TNC: variants seen among roughly 807,000 people sequenced by gnomAD.
The protein encoded by TNC is tenascin C.
TNC carries 109 observed loss-of-function variants against 202.4 expected under a neutral mutation model. The observed-to-expected ratio is 0.54, with a 90% CI of 0.46 to 0.63. TNC has a LOEUF of 0.63. Ranked by LOEUF, TNC falls within the 30% of genes least tolerant of loss-of-function variation. The pLI is 0.00. For synonymous variants in TNC, 1,007 were observed against 1,089.7 expected (o/e 0.92, Z 1.50); for missense variants, 2,756 against 2,833.3 (o/e 0.97, Z 0.62).
chr9:115,086,217 C>T lies in TNC; in HGVS notation c.1514G>A (p.Cys505Tyr). ...DCRDRQCPRD[C>Y]SNRGLCVDGQ... ...GTCCACACAGAGGCCCCTGTTGCTG[C>T]AGTCCCTGGGGCATTGGCGATCCCG... is the stretch of plus-strand genomic sequence containing the variant. The change falls in exon 3 of 28, where the codon TGC becomes TAC. Residue 505 changes from cysteine to tyrosine, a missense_variant. Cys to Tyr is a radical substitution (Grantham distance 194, BLOSUM62 -2). This residue lies in a region of TNC where 2,559 missense variants were observed against 2,546.0 expected (regional missense o/e 1.01). Transcript: ENST00000350763. 1 of 1,614,208 alleles carries T rather than the reference C, an allele frequency of 6.2e-7. No homozygotes were observed. Among genetic ancestry groups the T allele is most frequent in the Non-Finnish European group, 8.5e-7 (1 of 1,180,044 alleles).
chr9:115,042,720 T>C (rs1181929972), intron 17 of TNC, among the ~76,000 whole-genome samples: 4 of 152,218 alleles, frequency 2.6e-5, no homozygotes, highest in African/African-American at 7.2e-5. Flanking sequence ...ATACTAAGAC[T>C]TGACAACTGT....
chr9:115,028,924 GAAAAAAAAAAAAAAAAAAAA>G (rs57737243), intron 25 of TNC, among the ~76,000 whole-genome samples: 3,942 of 64,014 alleles, frequency 0.062, 78 homozygotes, highest in African/African-American at 0.1. Context: ...CATTATCTCT[GAAAAAAAAAAAAAAAAAAAA>G]AAAAAAAAAA....
At chr9:115,088,965 T>A (rs911064261) in intron 2 of TNC, among the ~76,000 whole-genome samples, 37 of 152,234 alleles carry the variant, frequency 2.4e-4, no homozygotes, top group African/African-American at 8.9e-4. Flanking sequence ...TTATGTTTAC[T>A]TGTTTCTTTC....
intron 5 of TNC, among the ~76,000 whole-genome samples, chr9:115,082,227 G>A (rs1036847541): frequency 6.6e-6 from 1 of 152,226 alleles, no homozygotes; most frequent in Non-Finnish European, 1.5e-5. Flanking sequence ...GGTAGACTGA[G>A]GCCAGCATCA....
At chr9:115,084,085 A>G in intron 4 of TNC, 124 bp downstream of exon 4, 5 of 1,043,830 alleles carry the variant, frequency 4.8e-6, no homozygotes, top group Non-Finnish European at 7.0e-6. Context: ...ACTTAATTCT[A>G]GGCTCTTATT....
chr9:115,094,079 C>T (rs961042949), intron 1 of TNC, among the ~76,000 whole-genome samples: 5 of 152,164 alleles, frequency 3.3e-5, no homozygotes, highest in Non-Finnish European at 7.4e-5. Context: ...ACCATGACCT[C>T]ATATATAACA....
At chr9:115,076,616 A>G (rs1036673670) in intron 7 of TNC, 41 bp from the exon 8 acceptor site, 1 of 1,601,524 alleles carries the variant, frequency 6.2e-7, no homozygotes, top group Admixed American at 1.7e-5. Flanking sequence ...CATATCAGTC[A>G]CAAGAGAGCA....
intron 15 of TNC, chr9:115,053,118 C>T (rs1831835072): frequency 1.6e-6 from 1 of 631,726 alleles, no homozygotes; most frequent in East Asian, 2.7e-5. Flanking sequence ...TCAATATCTC[C>T]AAATACATAC....
At chr9:115,101,802 G>A (rs1836258023) in intron 1 of TNC, among the ~76,000 whole-genome samples, 1 of 152,068 alleles carries the variant, frequency 6.6e-6, no homozygotes, top group Non-Finnish European at 1.5e-5. Flanking sequence ...AGATAATTAT[G>A]TGACACTTTG....
At chr9:115,023,486 C>A (rs1407171372) in intron 27 of TNC, among the ~76,000 whole-genome samples, 1 of 152,202 alleles carries the variant, frequency 6.6e-6, no homozygotes, top group Non-Finnish European at 1.5e-5. Context: ...GTGGGGAGAG[C>A]TGGCTCTGCT....
intron 1 of TNC, among the ~76,000 whole-genome samples, chr9:115,103,856 C>T (rs960112837): frequency 1.3e-5 from 2 of 152,160 alleles, no homozygotes; most frequent in African/African-American, 4.8e-5. Context: ...CATTACCAAC[C>T]AAATTAAATC....
chr9:115,087,813 T>G (rs558646617), intron 2 of TNC, among the ~76,000 whole-genome samples: 1 of 150,632 alleles, frequency 6.6e-6, no homozygotes, highest in Admixed American at 6.6e-5. Flanking sequence ...GCCATTCTCC[T>G]GCCTCAGCCT....
intron 7 of TNC, among the ~76,000 whole-genome samples, chr9:115,077,059 A>G (rs1465093667): frequency 1.3e-5 from 2 of 150,894 alleles, no homozygotes; most frequent in Admixed American, 6.6e-5. Flanking sequence ...CACCACGCCC[A>G]GTTATTTATT....
intron 1 of TNC, among the ~76,000 whole-genome samples, chr9:115,098,107 A>C (rs1047225316): frequency 1.3e-5 from 2 of 152,120 alleles, no homozygotes; most frequent in African/African-American, 2.4e-5. Flanking sequence ...TTTTGTGGGG[A>C]GTGTGGGGTG....
chr9:115,047,473 C>A (rs1831293253), intron 16 of TNC, among the ~76,000 whole-genome samples: 1 of 152,054 alleles, frequency 6.6e-6, no homozygotes, highest in Non-Finnish European at 1.5e-5. Flanking sequence ...AAAAAGTATC[C>A]TTTGTCAAAT....
chr9:115,086,332 C>T lies in TNC; in HGVS notation c.1399G>A (p.Asp467Asn). 1 of 1,614,206 alleles carries T rather than the reference C, an allele frequency of 6.2e-7. No individual in the cohort carries two copies. The highest frequency in any genetic ancestry group is 8.5e-7 in the Non-Finnish European group (1 of 1,180,036). Residue 467 changes from aspartate (D) to asparagine (N), a missense_variant, in exon 3 of 28, where the codon GAC becomes AAC. Coordinates refer to ENST00000350763, the MANE Select transcript of TNC (RefSeq NM_002160.4). The part of the protein sequence containing the change: ...EQGFKGYDCS[D>N]MSCPNDCHQH... ...TGACAGTCATTAGGGCAGCTCATGTCACTGCAGTCATAGCCCTTGAAGCCT... is the reference window on the plus strand; with the variant it reads ...TGACAGTCATTAGGGCAGCTCATGTTACTGCAGTCATAGCCCTTGAAGCCT...
intron 19 of TNC, among the ~76,000 whole-genome samples, chr9:115,038,930 C>T (rs191987864): frequency 5.2e-4 from 79 of 152,252 alleles, no homozygotes; most frequent in Non-Finnish European, 1.0e-3. Flanking sequence ...CGGGTTCAAG[C>T]AATGATCCTG....
rs1810810504 is a variant in TNC, at chr9:115,021,281, AAAAGAG to A, written c.6496-20_6496-15del. 1 of 1,594,606 alleles carries A rather than the reference AAAAGAG, an allele frequency of 6.3e-7. No individual in the cohort carries two copies. The highest frequency in any genetic ancestry group is 8.6e-7 in the Non-Finnish European group (1 of 1,167,988). On this transcript the variant is annotated splice_polypyrimidine_tract_variant and intron_variant, in intron 27 of 27. Transcript: ENST00000350763. ...CCAGTTAACGCCCTGTTAAAAAAAA[AAAAGAG>A]AGAGAGAGAGAGAGAGAGAAGGCCT...
intron 13 of TNC, among the ~76,000 whole-genome samples, chr9:115,060,848 T>C (rs1482782189): frequency 2.6e-5 from 4 of 152,128 alleles, no homozygotes; most frequent in Non-Finnish European, 5.9e-5. Context: ...ACTTTATGTC[T>C]AAAGGAAGAA....
Sources: gnomAD v4.1 joint callset for allele counts (sites outside exome capture counted in the v4.1 genomes callset) on GRCh38, gnomAD v4.1.1 for gene constraint, gnomAD v4.1.1 regional missense constraint, MANE v1.5 for transcripts, NCBI Gene and HGNC (gene_info 2026-07-23, HGNC 2026-07-21) for gene names.